AKAP19: variants seen among roughly 807,000 people sequenced by gnomAD.
AKAP19 encodes the protein small A-kinase anchoring protein.
chr2:190,078,617 TC>T, the AKAP19 span, among the ~76,000 whole-genome samples: 11 of 152,062 alleles, frequency 7.2e-5, 2 homozygotes, highest in South Asian at 1.7e-3. Flanking sequence ...AATTAAAAGA[TC>T]AGTGAAATAC....
the AKAP19 span, chr2:189,924,085 G>T: frequency 1.3e-6 from 2 of 1,572,736 alleles, no homozygotes; most frequent in Non-Finnish European, 1.7e-6. Context: ...CTGCTGAGGA[G>T]GGGGACCTAC....
At chr2:189,973,452 G>A in the AKAP19 span, among the ~76,000 whole-genome samples, 1 of 151,782 alleles carries the variant, frequency 6.6e-6, no homozygotes, top group African/African-American at 2.4e-5. Context: ...TCTCTTTTTT[G>A]GTTGTGTCTC....
the AKAP19 span, among the ~76,000 whole-genome samples, chr2:190,102,660 C>CA: frequency 6.6e-6 from 1 of 151,970 alleles, no homozygotes; most frequent in African/African-American, 2.4e-5. Flanking sequence ...CTGAACAGAC[C>CA]AATACTGAGT....
the AKAP19 span, among the ~76,000 whole-genome samples, chr2:189,892,578 A>C: frequency 6.6e-6 from 1 of 152,096 alleles, no homozygotes; most frequent in Non-Finnish European, 1.5e-5. Context: ...GAGCAGCAAA[A>C]ATTGCTGCCT....
At chr2:189,932,304 A>G in the AKAP19 span, among the ~76,000 whole-genome samples, 1 of 151,502 alleles carries the variant, frequency 6.6e-6, no homozygotes, top group Non-Finnish European at 1.5e-5. Context: ...GCTACTCGGG[A>G]GGCTGAGGCA....
the AKAP19 span, among the ~76,000 whole-genome samples, chr2:189,893,578 G>T: frequency 3.3e-5 from 5 of 152,264 alleles, no homozygotes; most frequent in Admixed American, 1.3e-4. Flanking sequence ...AGTGAAATGA[G>T]CCGGGTACCT....
chr2:189,912,268 C>T, the AKAP19 span, among the ~76,000 whole-genome samples: 14 of 152,092 alleles, frequency 9.2e-5, no homozygotes, highest in South Asian at 6.2e-4. Context: ...TGGCTGGGTG[C>T]GATGGCTCAC....
chr2:190,006,054 G>C, the AKAP19 span, among the ~76,000 whole-genome samples: 1 of 152,166 alleles, frequency 6.6e-6, no homozygotes, highest in Admixed American at 6.5e-5. Flanking sequence ...CTCAAAGTAT[G>C]ATACTTAAAG....
At chr2:190,068,330 T>C in the AKAP19 span, among the ~76,000 whole-genome samples, 3,710 of 152,194 alleles carry the variant, frequency 0.024, 163 homozygotes, top group East Asian at 0.18. Context: ...GGGAGAACAG[T>C]GTTTTTCTTT....
chr2:190,059,820 G>C, the AKAP19 span, among the ~76,000 whole-genome samples: 1 of 151,886 alleles, frequency 6.6e-6, no homozygotes, highest in Non-Finnish European at 1.5e-5. Flanking sequence ...TTCTTAAGAA[G>C]TTAAGAAGTA....
chr2:190,060,903 T>C, the AKAP19 span, among the ~76,000 whole-genome samples: 1 of 151,976 alleles, frequency 6.6e-6, no homozygotes, highest in Admixed American at 6.6e-5. Flanking sequence ...CTGAGCAACT[T>C]ACTGAGCCTC....
At chr2:190,009,947 G>T in the AKAP19 span, among the ~76,000 whole-genome samples, 1 of 152,068 alleles carries the variant, frequency 6.6e-6, no homozygotes, top group South Asian at 2.1e-4. Flanking sequence ...AACTTAAAAA[G>T]TTGCTGTTGC....
the AKAP19 span, chr2:189,917,581 G>T: frequency 6.7e-6 from 3 of 445,926 alleles, no homozygotes; most frequent in South Asian, 2.8e-5. Context: ...TCTTATTGCT[G>T]GGCTCCACAT....
the AKAP19 span, among the ~76,000 whole-genome samples, chr2:190,049,408 C>G: frequency 6.6e-6 from 1 of 152,114 alleles, no homozygotes. Flanking sequence ...AATAGGTAAT[C>G]TCATACATTA....
the AKAP19 span, chr2:190,060,038 A>C: frequency 6.2e-7 from 1 of 1,604,404 alleles, no homozygotes; most frequent in Non-Finnish European, 8.5e-7. Flanking sequence ...GGTTATTATA[A>C]TGTTATTTTC....
At chr2:190,132,461 G>A in the AKAP19 span, among the ~76,000 whole-genome samples, 1 of 152,058 alleles carries the variant, frequency 6.6e-6, no homozygotes, top group African/African-American at 2.4e-5. Context: ...AGAATAGAGA[G>A]CCCAGAAATA....
chr2:190,140,293 C>T, the AKAP19 span, among the ~76,000 whole-genome samples: 1 of 152,128 alleles, frequency 6.6e-6, no homozygotes, highest in Non-Finnish European at 1.5e-5. Flanking sequence ...TGTGGATCTA[C>T]CATTCTGGGG....
chr2:190,131,763 A>C, the AKAP19 span, among the ~76,000 whole-genome samples: 5 of 152,188 alleles, frequency 3.3e-5, no homozygotes, highest in Non-Finnish European at 7.4e-5. Flanking sequence ...ATTAAACTGA[A>C]TTAGAGCTGG....
the AKAP19 span, chr2:190,062,825 G>A: frequency 1.4e-5 from 7 of 490,954 alleles, no homozygotes; most frequent in South Asian, 5.2e-5. Context: ...AATGAATCTC[G>A]CTGTCAGAGG....
Sources: allele counts gnomAD v4.1 joint callset (sites outside exome capture counted in the v4.1 genomes callset), GRCh38; gene constraint gnomAD v4.1.1; transcripts MANE v1.5; gene names NCBI Gene and HGNC (gene_info 2026-07-23, HGNC 2026-07-21).